The following POLR3K variants were observed in gnomAD, a reference collection of about 807,000 sequenced individuals.
The protein encoded by POLR3K is RNA polymerase III subunit K, also known as DNA-directed RNA polymerase III subunit RPC10.
A neutral mutation model predicts 13.5 loss-of-function variants in POLR3K; 11 were observed. The observed-to-expected ratio is 0.81, with a 90% confidence interval of 0.51 to 1.35. The LOEUF is 1.35. POLR3K is among the 40% of genes most tolerant of loss of function. The pLI is 0.00. For missense variants in POLR3K, 144 were observed against 145.3 expected, an observed-to-expected ratio of 0.99 and a Z score of 0.05; for synonymous variants, 56 against 51.5, an observed-to-expected ratio of 1.09 and a Z score of -0.38.
rs1174585608 is a variant in POLR3K, at chr16:52,778, A to AT, written c.111+697_111+698insA. ...GGGACTCCGTCTCAAAAAAAAAAAAAAAAAAAAAAAAAAAAAACAATAAAA... is the reference window on the plus strand; with the variant it reads ...GGGACTCCGTCTCAAAAAAAAAAAAATAAAAAAAAAAAAAAAAACAATAAAA... On this transcript the variant is annotated intron_variant, in intron 1 of 2. Coordinates refer to ENST00000293860, the MANE Select transcript of POLR3K (RefSeq NM_016310.5). 9.0e-4 allele frequency among the ~76,000 whole-genome samples: 22 copies of AT among 24,522 alleles called. 1 individual carries two copies. The highest frequency in any genetic ancestry group is 3.2e-3 in the African/African-American group (19 of 5,940). 16.1% of individuals were successfully genotyped at this position (24,522 alleles called of 152,430 possible).
In POLR3K at chr16:52,446, C is replaced by CAA. The variant is rs767411954; in HGVS notation, c.112-803_112-802dup. ...TGGGAAACAGAGCGAGACTCTGTCT[C>CAA]AAAAAAAAAAAAAAAAAAAAAAAAA... On this transcript the variant is annotated intron_variant, in intron 1 of 2. Coordinates refer to ENST00000293860, the MANE Select transcript of POLR3K (RefSeq NM_016310.5). Among the ~76,000 whole-genome samples, 11 of 74,196 alleles carry CAA rather than the reference C, an allele frequency of 1.5e-4. 1 individual carries two copies. Among genetic ancestry groups the CAA allele is most frequent in the Non-Finnish European group, 2.0e-4 (8 of 40,094 alleles). 48.7% of individuals were successfully genotyped at this position (74,196 alleles called of 152,430 possible). A position where few individuals can be genotyped will look rare whatever the true frequency, so the allele number is the denominator to read the frequency against.
At position 53,593 on chromosome 16, in the gene POLR3K, G is replaced by C. The variant is rs372156580; in HGVS notation, c.-7C>G. On this transcript the variant is annotated 5_prime_UTR_variant, in exon 1 of 3. Transcript: ENST00000293860. ...CGGGGCAGAACAGCAGCATGGTCTC[G>C]AACTCCGCAGGCTCCAACTCCCGGC... 1.2e-6 allele frequency: 2 copies of C among 1,607,070 alleles called. No individual in the cohort carries two copies. Among genetic ancestry groups the C allele is most frequent in the Non-Finnish European group, 1.7e-6 (2 of 1,176,964 alleles).
At chr16:52,737 G>A (rs1341605455) in intron 1 of POLR3K, among the ~76,000 whole-genome samples, 3 of 133,264 alleles carry the variant, frequency 2.3e-5, no homozygotes, top group South Asian at 2.4e-4. Context: ...CTGCACTCCA[G>A]CCTGGGCGAC....
Position 51,661 on chromosome 16 carries a change from C to T in POLR3K, c.112-16G>A, listed in dbSNP as rs1897331973. The T allele has an allele frequency of 6.2e-7, 1 of 1,601,740 alleles. No individual in the cohort carries two copies. The highest frequency in any genetic ancestry group is 1.1e-5 in the South Asian group (1 of 90,804). ...GATTTGTTACCTAACAAAAACAACACTTCAGACTCCAAGTAACTGAATAGC... is the reference window on the plus strand; with the variant it reads ...GATTTGTTACCTAACAAAAACAACATTTCAGACTCCAAGTAACTGAATAGC... On this transcript the variant is annotated splice_polypyrimidine_tract_variant and intron_variant, in intron 1 of 2. Transcript: ENST00000293860.
chr16:48,808 C>T (rs1388500911), intron 2 of POLR3K, among the ~76,000 whole-genome samples: 2 of 143,802 alleles, frequency 1.4e-5, no homozygotes, highest in Non-Finnish European at 3.0e-5. Flanking sequence ...GAGACTCCAT[C>T]TCAAAAAAAA....
chr16:49,770 G>C (rs190063485), intron 2 of POLR3K, among the ~76,000 whole-genome samples: 1 of 151,900 alleles, frequency 6.6e-6, no homozygotes, highest in East Asian at 1.9e-4. Context: ...CTCCCAAGTA[G>C]CTGGGATTAC....
intron 2 of POLR3K, among the ~76,000 whole-genome samples, chr16:47,981 C>T (rs1478001270): frequency 6.8e-6 from 1 of 147,610 alleles, no homozygotes; most frequent in Non-Finnish European, 1.5e-5. Flanking sequence ...CTCTGCCTCC[C>T]GGGTTCATGT....
intron 1 of POLR3K, chr16:53,267 T>C: frequency 2.0e-6 from 2 of 991,822 alleles, no homozygotes; most frequent in Non-Finnish European, 2.8e-6. Context: ...GGCGCGAGCG[T>C]GGGAGCAGGA....
chr16:50,970 C>A (rs1267259642), intron 2 of POLR3K, among the ~76,000 whole-genome samples: 1 of 152,194 alleles, frequency 6.6e-6, no homozygotes. Context: ...ATAAAACGAT[C>A]TGATCTTGTG....
Position 47,602 on chromosome 16 carries a change from T to C in POLR3K, c.200-45A>G, listed in dbSNP as rs144441043. 1.9e-4 allele frequency: 296 copies of C among 1,598,146 alleles called. 1 individual carries two copies. In the African/African-American group the frequency reaches 3.8e-3, roughly 20 times the overall value. The stretch of plus-strand genomic sequence containing the variant: ...AGTGACCACATTTAAAAAAAGATGC[T>C]ACTCATGGCTGTCAAAAGTAGGTAT... On this transcript the variant is annotated intron_variant, in intron 2 of 2. Coordinates refer to ENST00000293860, the MANE Select transcript of POLR3K (RefSeq NM_016310.5).
intron 1 of POLR3K, chr16:53,132 T>C (rs1897357706): frequency 3.7e-6 from 1 of 268,038 alleles, no homozygotes; most frequent in Non-Finnish European, 7.0e-6. Flanking sequence ...TGGTAGGCCC[T>C]GGGAGAACTC....
intron 1 of POLR3K, 127 bp from the exon 2 acceptor site, chr16:51,772 G>A: frequency 5.6e-6 from 4 of 708,916 alleles, no homozygotes; most frequent in South Asian, 1.7e-5. Flanking sequence ...TGTAATCCCA[G>A]CACTTTGGGA....
intron 2 of POLR3K, 100 bp downstream of exon 2, chr16:51,458 C>G: frequency 1.2e-6 from 1 of 867,480 alleles, no homozygotes; most frequent in Non-Finnish European, 1.8e-6. Flanking sequence ...TTTTTAGAAA[C>G]CTACATCATT....
chr16:52,533 G>GCGCC (rs2141835376), intron 1 of POLR3K, among the ~76,000 whole-genome samples: 1 of 148,362 alleles, frequency 6.7e-6, no homozygotes, highest in East Asian at 2.0e-4. Context: ...ACTTTGGGAG[G>GCGCC]CCGAGGCGGG....
At chr16:51,472 A>G (rs977820692) in intron 2 of POLR3K, 86 bp downstream of exon 2, 2 of 990,026 alleles carry the variant, frequency 2.0e-6, no homozygotes, top group African/African-American at 3.3e-5. Flanking sequence ...CATCATTTAT[A>G]TGACATCATA....
At chr16:51,703 A>G (rs756834034) in intron 1 of POLR3K, 58 bp from the exon 2 acceptor site, 85 of 1,420,896 alleles carry the variant, frequency 6.0e-5, no homozygotes, top group Non-Finnish European at 7.7e-5. Context: ...CTGGGCTGCC[A>G]AACCTTAAAT....
intron 2 of POLR3K, among the ~76,000 whole-genome samples, chr16:50,114 C>T (rs552310162): frequency 5.9e-5 from 9 of 152,162 alleles, no homozygotes; most frequent in Non-Finnish European, 1.0e-4. Context: ...GCTGCCACCA[C>T]GCCTGGCTAA....
chr16:53,486 ATGT>A lies in POLR3K; in HGVS notation c.98_100del (p.Asn33del), dbSNP rs749926685. On this transcript the variant is annotated inframe_deletion, in exon 1 of 3. Coordinates refer to ENST00000293860, the MANE Select transcript of POLR3K (RefSeq NM_016310.5). ...GCCTTCGGGTCCCACCTTGCGGGTG[ATGT>A]TGTGCACGTAGGGGCACGTGTTGCA... The A allele has an allele frequency of 2.5e-5, 41 of 1,611,206 alleles. No individual in the cohort carries two copies. The highest frequency in any genetic ancestry group is 1.6e-4 in the Middle Eastern group (1 of 6,066).
At chr16:49,444 C>G (rs939981065) in intron 2 of POLR3K, among the ~76,000 whole-genome samples, 1 of 151,880 alleles carries the variant, frequency 6.6e-6, no homozygotes, top group African/African-American at 2.4e-5. Context: ...TATCCTACAC[C>G]TGACAGAAAT....
Sources: gnomAD v4.1 joint callset for allele counts (sites outside exome capture counted in the v4.1 genomes callset) on GRCh38, gnomAD v4.1.1 for gene constraint, MANE v1.5 for transcripts, NCBI Gene and HGNC (gene_info 2026-07-23, HGNC 2026-07-21) for gene names.